XKR4: variants seen among roughly 807,000 people sequenced by gnomAD.
XKR4 encodes the protein XK related 4, also known as XK-related protein 4.
Under a neutral mutation model 53.9 loss-of-function variants are expected in XKR4, and 12 were observed. The ratio of observed to expected loss-of-function variants is 0.22; its 90% CI spans 0.14 to 0.36. The LOEUF (loss-of-function observed/expected upper bound fraction) is 0.36, where lower values mean the gene tolerates loss of function less well. Ranked by LOEUF, XKR4 falls within the 10% of genes least tolerant of loss-of-function variation. XKR4 has a pLI of 1.00. For synonymous variants in XKR4, 354 were observed against 362.4 expected, an observed-to-expected ratio of 0.98 and a Z score of 0.26; for missense variants, 799 against 859.5, an observed-to-expected ratio of 0.93 and a Z score of 0.88.
chr8:55,274,194 A>T (rs1456740239), intron 1 of XKR4, among the ~76,000 whole-genome samples: 2 of 152,330 alleles, frequency 1.3e-5, no homozygotes, highest in East Asian at 3.9e-4. Context: ...ATAATATATG[A>T]CTAGTGCTAT....
intron 2 of XKR4, 82 bp downstream of exon 2, chr8:55,357,959 G>A: frequency 2.9e-6 from 4 of 1,401,896 alleles, no homozygotes; most frequent in African/African-American, 2.9e-5. Context: ...CTGTCCTAAT[G>A]CCCTTTGTTG....
intron 2 of XKR4, among the ~76,000 whole-genome samples, chr8:55,362,813 C>T (rs561542194): frequency 1.3e-5 from 2 of 152,306 alleles, no homozygotes; most frequent in South Asian, 2.1e-4. Context: ...CTGTCCACAG[C>T]CTTCCTCAGC....
chr8:55,206,310 C>T (rs1817650191), intron 1 of XKR4, among the ~76,000 whole-genome samples: 1 of 152,134 alleles, frequency 6.6e-6, no homozygotes, highest in South Asian at 2.1e-4. Context: ...TCCGTTTTTA[C>T]AGAGGGCTGA....
chr8:55,414,782 T>C (rs1804821614), intron 2 of XKR4, among the ~76,000 whole-genome samples: 1 of 152,184 alleles, frequency 6.6e-6, no homozygotes, highest in African/African-American at 2.4e-5. Flanking sequence ...GAGCCATCTT[T>C]AATGAAAAGT....
chr8:55,509,142 C>T (rs1024664088), intron 2 of XKR4, among the ~76,000 whole-genome samples: 2 of 152,180 alleles, frequency 1.3e-5, no homozygotes, highest in Non-Finnish European at 2.9e-5. Context: ...TTGGGGAGCA[C>T]TGCCTCTGTC....
chr8:55,492,722 G>T (rs373939123), intron 2 of XKR4, among the ~76,000 whole-genome samples: 8 of 152,330 alleles, frequency 5.3e-5, no homozygotes, highest in East Asian at 1.9e-4. Flanking sequence ...TCATTTGTTT[G>T]GTTCCTAAGA....
intron 2 of XKR4, chr8:55,451,618 C>T (rs576956366): frequency 3.0e-5 from 45 of 1,511,592 alleles, no homozygotes; most frequent in African/African-American, 1.5e-4. Flanking sequence ...GCGGTTCTGG[C>T]GGTAGCAGTA....
intron 2 of XKR4, among the ~76,000 whole-genome samples, chr8:55,440,499 C>A (rs1805248876): frequency 6.6e-6 from 1 of 151,902 alleles, no homozygotes; most frequent in Non-Finnish European, 1.5e-5. Flanking sequence ...GGGAGGTGGG[C>A]AAATATTCTG....
At chr8:55,235,617 C>G (rs772663475) in intron 1 of XKR4, among the ~76,000 whole-genome samples, 1 of 152,138 alleles carries the variant, frequency 6.6e-6, no homozygotes, top group African/African-American at 2.4e-5. Context: ...CATTACCTTT[C>G]CCCACCACAC....
intron 2 of XKR4, among the ~76,000 whole-genome samples, chr8:55,514,500 G>A (rs1038488193): frequency 1.1e-4 from 16 of 151,970 alleles, no homozygotes; most frequent in Admixed American, 7.2e-4. Context: ...CAAGTGATCC[G>A]CCCGCCTCGG....
intron 1 of XKR4, among the ~76,000 whole-genome samples, chr8:55,236,663 C>G (rs1015578582): frequency 3.9e-5 from 6 of 152,200 alleles, no homozygotes; most frequent in South Asian, 2.1e-4. Context: ...CAGTCAGGCC[C>G]TCTACCCTCC....
At chr8:55,508,229 T>A (rs1276482146) in intron 2 of XKR4, among the ~76,000 whole-genome samples, 2 of 152,148 alleles carry the variant, frequency 1.3e-5, no homozygotes, top group African/African-American at 4.8e-5. Flanking sequence ...GATTTGTGTT[T>A]TATACGGTCT....
At chr8:55,340,785 A>G (rs1012319138) in intron 1 of XKR4, among the ~76,000 whole-genome samples, 1 of 152,140 alleles carries the variant, frequency 6.6e-6, no homozygotes, top group Admixed American at 6.5e-5. Flanking sequence ...ACCTGAAGGA[A>G]TGGTTCTTGG....
intron 2 of XKR4, among the ~76,000 whole-genome samples, chr8:55,358,712 T>A (rs561893285): frequency 2.0e-5 from 3 of 152,380 alleles, no homozygotes; most frequent in African/African-American, 7.2e-5. Context: ...ATCCTGTAAC[T>A]AAATAGATGC....
At chr8:55,381,665 T>C (rs1469764710) in intron 2 of XKR4, among the ~76,000 whole-genome samples, 1 of 152,146 alleles carries the variant, frequency 6.6e-6, no homozygotes, top group Admixed American at 6.5e-5. Context: ...AGAGCAGATC[T>C]CCACCACTGA....
chr8:55,146,166 G>T (rs531682281), intron 1 of XKR4, among the ~76,000 whole-genome samples: 1 of 152,260 alleles, frequency 6.6e-6, no homozygotes, highest in African/African-American at 2.4e-5. Flanking sequence ...TGTTCTAAGA[G>T]GTCTGAAAGA....
intron 1 of XKR4, among the ~76,000 whole-genome samples, chr8:55,328,677 G>A (rs529528662): frequency 4.6e-5 from 7 of 152,246 alleles, no homozygotes; most frequent in East Asian, 3.9e-4. Flanking sequence ...AATTGCTGTC[G>A]CTCATAGTGA....
intron 2 of XKR4, among the ~76,000 whole-genome samples, chr8:55,518,315 T>C (rs1056899307): frequency 9.2e-5 from 14 of 152,314 alleles, no homozygotes; most frequent in African/African-American, 3.4e-4. Flanking sequence ...GCAAATCTTT[T>C]GAACACTTCA....
rs373841472 is a variant in XKR4 at position 55,416,812 on chromosome 8, G to A, written c.1006+58935G>A. On this transcript the variant is annotated intron_variant, in intron 2 of 2. Coordinates refer to ENST00000327381, the MANE Select transcript of XKR4 (RefSeq NM_052898.2). The stretch of plus-strand genomic sequence containing the variant: ...CAGCGATTCTCTATGAATTTAAGCC[G>A]TATGCCCAAGTCTACAGTTTTTAAC... Among the ~76,000 whole-genome samples, 323 of 152,218 alleles carry A rather than the reference G, an allele frequency of 2.1e-3. 3 individuals carry two copies. In the South Asian group the frequency reaches 0.024, roughly 11 times the overall value.
Sources: allele counts gnomAD v4.1 joint callset (sites outside exome capture counted in the v4.1 genomes callset), GRCh38; gene constraint gnomAD v4.1.1; transcripts MANE v1.5; gene names NCBI Gene and HGNC (gene_info 2026-07-23, HGNC 2026-07-21).